The following SULT1E1 variants were observed in gnomAD, a reference collection of about 807,000 sequenced individuals.
The protein encoded by SULT1E1 is sulfotransferase 1E1.
In SULT1E1, 36 loss-of-function variants were observed where a neutral mutation model predicts 33.6. That is an observed-to-expected ratio of 1.07 (90% CI 0.82 to 1.41). SULT1E1 has a LOEUF of 1.41. Among genes scored for constraint, SULT1E1 ranks in the 40% most tolerant of loss-of-function variants. The pLI is 0.00. For missense variants in SULT1E1, 371 were observed against 345.7 expected (o/e 1.07, Z -0.58); for synonymous variants, 121 against 111.7 (o/e 1.08, Z -0.53).
chr4:69,837,659 T>C (rs1560552130), downstream of SULT1E1, among the ~76,000 whole-genome samples: 1 of 152,056 alleles, frequency 6.6e-6, no homozygotes, highest in Non-Finnish European at 1.5e-5. Context: ...TAATAGAAAA[T>C]ATTTTGGTTA....
At chr4:69,840,745 G>T (rs993443075), downstream of SULT1E1, among the ~76,000 whole-genome samples, 2 of 152,072 alleles carry the variant, frequency 1.3e-5, no homozygotes, top group Non-Finnish European at 2.9e-5. Flanking sequence ...AACTCATTTT[G>T]TTGAAAGTAA....
intron 6 of SULT1E1, among the ~76,000 whole-genome samples, chr4:69,847,452 T>C (rs1042716403): frequency 6.6e-6 from 1 of 151,624 alleles, no homozygotes; most frequent in African/African-American, 2.4e-5. Flanking sequence ...TGAAGTCAAG[T>C]TCTTTCAAAT....
chr4:69,848,424 G>A (rs1171137423), intron 5 of SULT1E1, among the ~76,000 whole-genome samples: 1 of 151,596 alleles, frequency 6.6e-6, no homozygotes, highest in African/African-American at 2.4e-5. Flanking sequence ...AAAATATAAA[G>A]CTGACAAAAT....
chr4:69,859,342 G>A (rs1170066543), intron 1 of SULT1E1, among the ~76,000 whole-genome samples: 1 of 151,710 alleles, frequency 6.6e-6, no homozygotes, highest in Admixed American at 6.6e-5. Context: ...CTTTTCCTAG[G>A]CCCTGTAGTC....
intron 6 of SULT1E1, among the ~76,000 whole-genome samples, chr4:69,847,342 A>G (rs1425270005): frequency 6.6e-6 from 1 of 151,654 alleles, no homozygotes; most frequent in African/African-American, 2.4e-5. Flanking sequence ...AACAATTGCA[A>G]CATCTCTACA....
At chr4:69,857,118 C>T (rs560544587) in intron 2 of SULT1E1, among the ~76,000 whole-genome samples, 2 of 152,056 alleles carry the variant, frequency 1.3e-5, no homozygotes. Flanking sequence ...TGTAGATAGA[C>T]TTAAAGGGCT....
At chr4:69,827,156 C>T in the SULT1E1 span, among the ~76,000 whole-genome samples, 1 of 152,156 alleles carries the variant, frequency 6.6e-6, no homozygotes, top group Non-Finnish European at 1.5e-5. Context: ...AGATGTCCTA[C>T]AGGGTCTAGG....
intron 2 of SULT1E1, among the ~76,000 whole-genome samples, chr4:69,856,321 G>A (rs1721234905): frequency 6.6e-6 from 1 of 152,140 alleles, no homozygotes. Flanking sequence ...TCATGAAAAG[G>A]TACTGACATA....
At chr4:69,842,506 A>G (rs765635148) in intron 7 of SULT1E1, among the ~76,000 whole-genome samples, 79 of 152,228 alleles carry the variant, frequency 5.2e-4, no homozygotes, top group Non-Finnish European at 1.0e-3. Flanking sequence ...TTGCCACCTG[A>G]AAAATGTCCA....
At chr4:69,843,226 G>T (rs1232229947) in intron 7 of SULT1E1, among the ~76,000 whole-genome samples, 1 of 152,068 alleles carries the variant, frequency 6.6e-6, no homozygotes, top group Non-Finnish European at 1.5e-5. Context: ...AAAACCAGAA[G>T]ACAGAACATG....
chr4:69,854,904 C>T (rs974817460), intron 3 of SULT1E1, among the ~76,000 whole-genome samples: 2 of 151,860 alleles, frequency 1.3e-5, no homozygotes, highest in African/African-American at 2.4e-5. Flanking sequence ...ATTCTTTTGT[C>T]GATTAGCATT....
downstream of SULT1E1, among the ~76,000 whole-genome samples, chr4:69,838,184 T>C (rs563843407): frequency 2.7e-4 from 41 of 152,288 alleles, no homozygotes; most frequent in Non-Finnish European, 5.1e-4. Context: ...TGTCAGTCTT[T>C]GTAGAGGTTT....
rs748384537 is a variant in SULT1E1 at position 69,854,217 on chromosome 4, CTT to C, written c.367_368del (p.Lys123AspfsTer50). On this transcript the variant is annotated frameshift_variant and splice_region_variant, in exon 4 of 8. Transcript: ENST00000226444. LOFTEE classifies it high-confidence loss of function. ...LPASFWEKDC[K>X]IIYLCRNAKD... ...TTTGAGAACACTTGACTCTGGTTAC[CTT>C]ACAATCCTTTTCCCAAAATGAGGCA... is the stretch of plus-strand genomic sequence containing the variant. The C allele has an allele frequency of 1.2e-6, 2 of 1,608,978 alleles. No homozygotes were observed. Among genetic ancestry groups the C allele is most frequent in the South Asian group, 2.2e-5 (2 of 90,398 alleles).
At chr4:69,858,617 A>G (rs1220178862) in intron 1 of SULT1E1, among the ~76,000 whole-genome samples, 2 of 152,116 alleles carry the variant, frequency 1.3e-5, no homozygotes, top group East Asian at 1.9e-4. Flanking sequence ...TTCTACACAC[A>G]TAAATTGCCC....
chr4:69,847,925 T>A, intron 5 of SULT1E1, 133 bp from the exon 6 acceptor site: 2 of 464,676 alleles, frequency 4.3e-6, no homozygotes, highest in Non-Finnish European at 7.5e-6. Context: ...CAGCTGTATA[T>A]CTTAAGCAAA....
the SULT1E1 span, among the ~76,000 whole-genome samples, chr4:69,835,598 T>C: frequency 6.6e-6 from 1 of 152,176 alleles, no homozygotes; most frequent in African/African-American, 2.4e-5. Flanking sequence ...AGGTATATTA[T>C]TAAAGAAAAT....
At chr4:69,837,533 G>T (rs1318730156), downstream of SULT1E1, among the ~76,000 whole-genome samples, 1 of 151,892 alleles carries the variant, frequency 6.6e-6, no homozygotes, top group Non-Finnish European at 1.5e-5. Flanking sequence ...TTAAATGAGA[G>T]GTTAAAACTT....
the SULT1E1 span, among the ~76,000 whole-genome samples, chr4:69,825,711 GACA>G: frequency 2.6e-5 from 4 of 151,918 alleles, no homozygotes; most frequent in African/African-American, 2.4e-5. Flanking sequence ...CCGGGGTCCC[GACA>G]ACAAGTCGGT....
At chr4:69,845,022 C>G (rs1344570085) in intron 6 of SULT1E1, among the ~76,000 whole-genome samples, 2 of 152,028 alleles carry the variant, frequency 1.3e-5, no homozygotes, top group African/African-American at 2.4e-5. Flanking sequence ...GCTTATTTAT[C>G]AACTTATTTA....
Sources: allele counts gnomAD v4.1 joint callset (sites outside exome capture counted in the v4.1 genomes callset), GRCh38; gene constraint gnomAD v4.1.1; transcripts MANE v1.5; gene names NCBI Gene and HGNC (gene_info 2026-07-23, HGNC 2026-07-21).